Variants in LUC7L3 observed in about 807,000 individuals in gnomAD.
LUC7L3 encodes luc7-like protein 3.
In LUC7L3, 6 loss-of-function variants were observed where a neutral mutation model predicts 66.8. The observed-to-expected ratio is 0.09, with a 90% CI of 0.05 to 0.18. LUC7L3 has a LOEUF of 0.18. Ranked by LOEUF, LUC7L3 falls within the 10% of genes least tolerant of loss-of-function variation. LUC7L3 has a pLI of 1.00. For missense variants in LUC7L3, 341 were observed against 531.1 expected, an observed-to-expected ratio of 0.64 and a Z score of 3.52; for synonymous variants, 160 against 174.7, an observed-to-expected ratio of 0.92 and a Z score of 0.66.
intron 1 of LUC7L3, among the ~76,000 whole-genome samples, chr17:50,729,896 T>TTATATATA (rs1156777167): frequency 2.7e-4 from 18 of 65,552 alleles, no homozygotes; most frequent in East Asian, 3.6e-4. Flanking sequence ...TATAAATACA[T>TTATATATA]TATATATATA....
chr17:50,730,508 G>A (rs1200310484), intron 1 of LUC7L3, among the ~76,000 whole-genome samples: 1 of 47,734 alleles, frequency 2.1e-5, no homozygotes, highest in Non-Finnish European at 3.3e-5. Context: ...GTAAGACTCT[G>A]TCTCCAAAAA....
Position 50,750,540 on chromosome 17 carries a change from CCGGTAG to C in LUC7L3, c.1179_1184del (p.Gly394_Ser395del), listed in dbSNP as rs760869890. 8.1e-6 allele frequency: 13 copies of C among 1,613,810 alleles called. No homozygotes were observed. The highest frequency in any genetic ancestry group is 1.1e-5 in the Non-Finnish European group (13 of 1,179,920). On this transcript the variant is annotated inframe_deletion, in exon 10 of 10. Coordinates refer to ENST00000505658, the MANE Select transcript of LUC7L3 (RefSeq NM_016424.5). The stretch of plus-strand genomic sequence containing the variant: ...GATGATAAAAAAAGTAGTGTGAAGT[CCGGTAG>C]TCGAGAAAAGCAGAGTGAAGACACA...
chr17:50,754,906 T>C lies in LUC7L3; in HGVS notation c.*4245T>C, dbSNP rs1235732647. 2 of 152,336 alleles carry C rather than the reference T, an allele frequency of 1.3e-5. No individual in the cohort carries two copies. Among genetic ancestry groups the C allele is most frequent in the East Asian group, 1.9e-4 (1 of 5,188 alleles). 9.4% of individuals were successfully genotyped at this position (152,336 alleles called of 1,614,324 possible). On this transcript the variant is annotated 3_prime_UTR_variant, in exon 10 of 10. Transcript: ENST00000505658. Reference sequence around the variant, plus strand: ...CTTCTGATTAAAGTTTTCAGACTTGTAAGAACTGAAAATTTTTATGGTGGA... The same window carrying C: ...CTTCTGATTAAAGTTTTCAGACTTGCAAGAACTGAAAATTTTTATGGTGGA...
rs2146753799 is a variant in LUC7L3 at position 50,741,742 on chromosome 17, T to G, written c.426+11T>G. The G allele has an allele frequency of 6.3e-7, 1 of 1,596,822 alleles. No individual in the cohort carries two copies. Among genetic ancestry groups the G allele is most frequent in the South Asian group, 1.1e-5 (1 of 90,406 alleles). Reference sequence around the variant, plus strand: ...GTACTTCTGCAACAGGTGAGAATTGTGTGCATTAATGTCAGGAAGTAATGT... The same window carrying G: ...GTACTTCTGCAACAGGTGAGAATTGGGTGCATTAATGTCAGGAAGTAATGT... On this transcript the variant is annotated intron_variant, in intron 5 of 9. Transcript: ENST00000505658.
At chr17:50,721,071 C>CG (rs1367000521) in intron 1 of LUC7L3, among the ~76,000 whole-genome samples, 1 of 151,798 alleles carries the variant, frequency 6.6e-6, no homozygotes, top group Non-Finnish European at 1.5e-5. Context: ...CTTTTGTAGG[C>CG]ATCTTTGTTA....
chr17:50,741,541 T>C, intron 4 of LUC7L3, 116 bp from the exon 5 acceptor site: 1 of 639,770 alleles, frequency 1.6e-6, no homozygotes, highest in East Asian at 2.8e-5. Flanking sequence ...TGAATTACTA[T>C]CCTTTCAATT....
intron 9 of LUC7L3, among the ~76,000 whole-genome samples, chr17:50,747,581 A>G (rs1970758588): frequency 6.6e-6 from 1 of 152,142 alleles, no homozygotes; most frequent in Admixed American, 6.5e-5. Context: ...CCAGCATAAT[A>G]TATGTGCTAC....
At chr17:50,749,077 T>G (rs887190547) in intron 9 of LUC7L3, 3 of 362,782 alleles carry the variant, frequency 8.3e-6, no homozygotes, top group Admixed American at 3.8e-5. Context: ...AAATGAAAAG[T>G]GGTTTCTCAC....
intron 1 of LUC7L3, among the ~76,000 whole-genome samples, chr17:50,734,346 T>C (rs893970806): frequency 6.6e-6 from 1 of 152,168 alleles, no homozygotes; most frequent in African/African-American, 2.4e-5. Context: ...TTTGTATTTT[T>C]AGTAGAGACG....
rs1329628362 is a variant in LUC7L3, at chr17:50,752,650, TTGTCTC to T, written c.*1994_*1999del. ...CTCTGACTTTCTGTTACAAAGTTGA[TTGTCTC>T]TGTCATTGAAAAGTTTTAGTATTAA... is the stretch of plus-strand genomic sequence containing the variant. On this transcript the variant is annotated 3_prime_UTR_variant, in exon 10 of 10. Coordinates refer to ENST00000505658, the MANE Select transcript of LUC7L3 (RefSeq NM_016424.5). The T allele has an allele frequency of 6.5e-6, 1 of 153,110 alleles. No homozygotes were observed. The highest frequency in any genetic ancestry group is 1.5e-5 in the Non-Finnish European group (1 of 68,490). The allele number at this position is 153,110 out of a possible 1,614,324, so 9.5% of individuals were successfully genotyped here.
At chr17:50,746,488 C>T in intron 8 of LUC7L3, 54 bp from the exon 9 acceptor site, 1 of 1,529,466 alleles carries the variant, frequency 6.5e-7, no homozygotes, top group South Asian at 1.2e-5. Context: ...TACTCCAAGG[C>T]CTTTACTTAT....
At chr17:50,744,532 T>G (rs189246750) in intron 6 of LUC7L3, 120 bp from the exon 7 acceptor site, 30 of 897,646 alleles carry the variant, frequency 3.3e-5, no homozygotes, top group Non-Finnish European at 4.8e-5. Flanking sequence ...TATTACTGAT[T>G]TGGGGAAATG....
rs1971089221 is a variant in LUC7L3 at position 50,755,187 on chromosome 17, A to T, written c.*4526A>T. ...TATAATTGTAATGTTGCCCATGGTT[A>T]AAAAAAAAAAGTGTTCAGTGATCTA... On this transcript the variant is annotated 3_prime_UTR_variant, in exon 10 of 10. Transcript: ENST00000505658. The T allele has an allele frequency of 6.9e-6, 1 of 145,206 alleles. No homozygotes were observed. The highest frequency in any genetic ancestry group is 2.5e-5 in the African/African-American group (1 of 39,390). 9.0% of individuals were successfully genotyped at this position (145,206 alleles called of 1,614,324 possible).
intron 2 of LUC7L3, 86 bp from the exon 3 acceptor site, chr17:50,740,220 T>C: frequency 9.4e-7 from 1 of 1,063,656 alleles, no homozygotes. Context: ...TTTTTCTTTT[T>C]AAAAAGAAAA....
intron 1 of LUC7L3, among the ~76,000 whole-genome samples, chr17:50,728,699 G>A (rs1398624269): frequency 2.0e-5 from 3 of 152,154 alleles, no homozygotes; most frequent in Non-Finnish European, 4.4e-5. Flanking sequence ...AACTACAGGC[G>A]TGTGCCTCCA....
chr17:50,730,200 G>C (rs533889077), intron 1 of LUC7L3, among the ~76,000 whole-genome samples: 1 of 151,904 alleles, frequency 6.6e-6, no homozygotes, highest in East Asian at 1.9e-4. Flanking sequence ...TCGAACTCCT[G>C]AGCTTAAGCC....
intron 1 of LUC7L3, among the ~76,000 whole-genome samples, chr17:50,725,449 A>G (rs1275246253): frequency 6.6e-6 from 1 of 152,114 alleles, no homozygotes; most frequent in Middle Eastern, 3.2e-3. Flanking sequence ...GGTAGATAAC[A>G]GCAGGATAGT....
At chr17:50,720,096 GA>G (rs957377218) in intron 1 of LUC7L3, among the ~76,000 whole-genome samples, 36 of 152,258 alleles carry the variant, frequency 2.4e-4, no homozygotes, top group African/African-American at 8.4e-4. Context: ...GGAAACGCGG[GA>G]AAGAAGGATA....
At position 50,726,372 on chromosome 17, in the gene LUC7L3, A is replaced by C. The variant is rs1969186134; in HGVS notation, c.99+6541A>C. 2.0e-5 allele frequency among the ~76,000 whole-genome samples: 3 copies of C among 152,048 alleles called. No homozygotes were observed. In the South Asian group the frequency reaches 6.2e-4, roughly 32 times the overall value. On this transcript the variant is annotated intron_variant, in intron 1 of 9. Coordinates refer to ENST00000505658, the MANE Select transcript of LUC7L3 (RefSeq NM_016424.5). ...TTTTTAGTAGAGATGGGGTTTTGTC[A>C]TGTTGGCCAGGCTGGGCTCGAACTC...
Sources: gnomAD v4.1 joint callset for allele counts (sites outside exome capture counted in the v4.1 genomes callset) on GRCh38, gnomAD v4.1.1 for gene constraint, MANE v1.5 for transcripts, NCBI Gene and HGNC (gene_info 2026-07-23, HGNC 2026-07-21) for gene names.